The following ACTR1A variants were observed in gnomAD, a reference collection of about 807,000 sequenced individuals.
ACTR1A encodes alpha-centractin.
In ACTR1A, 10 loss-of-function variants were observed where a neutral mutation model predicts 50.7. The observed-to-expected ratio is 0.20, with a 90% confidence interval of 0.12 to 0.33. ACTR1A has a LOEUF of 0.33. Ranked by LOEUF, ACTR1A falls within the 10% of genes least tolerant of loss-of-function variation. The pLI is 1.00. For synonymous variants in ACTR1A, 177 were observed against 184.2 expected (o/e 0.96, Z 0.32); for missense variants, 253 against 491.7 (o/e 0.51, Z 4.59).
chr10:102,484,091 G>T, intron 6 of ACTR1A, 69 bp downstream of exon 6: 1 of 1,490,052 alleles, frequency 6.7e-7, no homozygotes, highest in African/African-American at 1.4e-5. Context: ...TCACTGGCAG[G>T]TCACCAAGGT....
intron 1 of ACTR1A, among the ~76,000 whole-genome samples, chr10:102,501,156 C>T (rs1047909736): frequency 2.0e-5 from 3 of 151,134 alleles, no homozygotes; most frequent in African/African-American, 4.9e-5. Flanking sequence ...AAACAAAATA[C>T]CCATGGAGAG....
At position 102,479,293 on chromosome 10, in the gene ACTR1A, C is replaced by T. The variant is rs917479452; in HGVS notation, c.*1570G>A. ...GCCCCACCAGGCAATGTGGTTTGTG[C>T]GAGGCTGTGCGAGGGACAGGCTTGG... On this transcript the variant is annotated 3_prime_UTR_variant, in exon 11 of 11. Coordinates refer to ENST00000369905, the MANE Select transcript of ACTR1A (RefSeq NM_005736.4). The surrounding 1 kb of genome is among the most constrained non-coding windows in gnomAD (Gnocchi z 4.0). The T allele has an allele frequency of 4.3e-5, 19 of 441,570 alleles. No individual in the cohort carries two copies. Among genetic ancestry groups the T allele is most frequent in the African/African-American group, 1.4e-4 (7 of 49,040 alleles). 27.4% of individuals were successfully genotyped at this position (441,570 alleles called of 1,614,324 possible). A position where few individuals can be genotyped will look rare whatever the true frequency, so the allele number is the denominator to read the frequency against.
intron 9 of ACTR1A, 61 bp downstream of exon 9, chr10:102,481,776 A>G: frequency 6.3e-7 from 1 of 1,585,034 alleles, no homozygotes; most frequent in Admixed American, 1.7e-5. Context: ...AAGCTACGCC[A>G]GGTGGCACTC....
chr10:102,502,618 C>T lies in ACTR1A; in HGVS notation c.30G>A (p.Gln10=). The T allele has an allele frequency of 6.2e-7, 1 of 1,614,250 alleles. No individual in the cohort carries two copies. The highest frequency in any genetic ancestry group is 8.5e-7 in the Non-Finnish European group (1 of 1,180,046). Reference sequence around the variant, plus strand: ...AACTCACGTTGTCGATCACGACAGGCTGGTTGGCGATCACATCGTAGGACT... The same window carrying T: ...AACTCACGTTGTCGATCACGACAGGTTGGTTGGCGATCACATCGTAGGACT... MESYDVIAN[Q]PVVIDNGSGV... Residue 10 remains glutamine (Q), a synonymous_variant, in exon 1 of 11, where the codon CAG becomes CAA. Transcript: ENST00000369905.
intron 1 of ACTR1A, among the ~76,000 whole-genome samples, chr10:102,502,383 C>T (rs1426297771): frequency 6.6e-6 from 1 of 152,242 alleles, no homozygotes; most frequent in African/African-American, 2.4e-5. Context: ...ATAACTCTTT[C>T]CTTTATCCAC....
chr10:102,498,317 T>A, intron 1 of ACTR1A, among the ~76,000 whole-genome samples: 1 of 145,270 alleles, frequency 6.9e-6, no homozygotes. Flanking sequence ...AAAGTATCTC[T>A]CTCTCTCTTT....
At position 102,482,438 on chromosome 10, in the gene ACTR1A, C is replaced by T; in HGVS notation, c.751-263G>A. On this transcript the variant is annotated intron_variant, in intron 7 of 10. Transcript: ENST00000369905. The surrounding 1 kb of genome is among the most constrained non-coding windows in gnomAD (Gnocchi z 5.6). ...TGGCATCAGTACATGGATTTATTTG[C>T]TCATGGAAACGTCTTCCTAGCAATG... 1 of 508,866 alleles carries T rather than the reference C, an allele frequency of 2.0e-6. No individual in the cohort carries two copies. 31.5% of individuals were successfully genotyped at this position (508,866 alleles called of 1,614,324 possible). A position where few individuals can be genotyped will look rare whatever the true frequency, so the allele number is the denominator to read the frequency against.
At chr10:102,501,493 G>A (rs1230667651) in intron 1 of ACTR1A, among the ~76,000 whole-genome samples, 1 of 152,214 alleles carries the variant, frequency 6.6e-6, no homozygotes. Flanking sequence ...CAATCTCTGT[G>A]GGACCAAAGC....
chr10:102,500,964 G>A (rs1293870573), intron 1 of ACTR1A, among the ~76,000 whole-genome samples: 4 of 151,432 alleles, frequency 2.6e-5, no homozygotes, highest in Non-Finnish European at 5.9e-5. Flanking sequence ...CCAGCTACTC[G>A]GGAGGCTTAA....
intron 1 of ACTR1A, among the ~76,000 whole-genome samples, 164 bp downstream of exon 1, chr10:102,502,436 C>T (rs188832402): frequency 2.0e-5 from 3 of 152,360 alleles, no homozygotes; most frequent in African/African-American, 7.2e-5. Flanking sequence ...GCCGCCTTGC[C>T]TGCGGACTAT....
Position 102,488,593 on chromosome 10 carries a change from C to T in ACTR1A, c.190-318G>A, listed in dbSNP as rs982828016. Among the ~76,000 whole-genome samples the T allele has an allele frequency of 6.6e-6, 1 of 152,206 alleles. No individual in the cohort carries two copies. The highest frequency in any genetic ancestry group is 2.4e-5 in the African/African-American group (1 of 41,448). On this transcript the variant is annotated intron_variant, in intron 3 of 10. Transcript: ENST00000369905. The surrounding 1 kb of genome is among the most constrained non-coding windows in gnomAD (Gnocchi z 4.4). Reference sequence around the variant, plus strand: ...GGTTCCAGGACACAATCTCCTGGCTCCCACCTCTGGGCCTCAGCACTTGAA... The same window carrying T: ...GGTTCCAGGACACAATCTCCTGGCTTCCACCTCTGGGCCTCAGCACTTGAA...
chr10:102,495,284 A>G (rs1589964538), intron 1 of ACTR1A, among the ~76,000 whole-genome samples: 1 of 151,978 alleles, frequency 6.6e-6, no homozygotes, highest in East Asian at 1.9e-4. Context: ...AAAATTCAAA[A>G]TAAGGCCAGG....
intron 1 of ACTR1A, among the ~76,000 whole-genome samples, chr10:102,492,361 G>A (rs1429296950): frequency 7.9e-5 from 12 of 151,878 alleles, no homozygotes; most frequent in African/African-American, 1.9e-4. Context: ...GAACCACCGC[G>A]CCTGGCCTCT....
chr10:102,501,583 C>T (rs1409581295), intron 1 of ACTR1A, among the ~76,000 whole-genome samples: 1 of 152,140 alleles, frequency 6.6e-6, no homozygotes, highest in African/African-American at 2.4e-5. Context: ...TAGATTCTTT[C>T]TATTGGTCAA....
chr10:102,480,855 T>C lies in ACTR1A; in HGVS notation c.*8A>G. ...ACTTCAGAGAGAGGTGAAGATGATG[T>C]CCCGACATTAGAAGGTTTTTCTGTG... On this transcript the variant is annotated 3_prime_UTR_variant, in exon 11 of 11. Transcript: ENST00000369905. 6.2e-7 allele frequency: 1 copy of C among 1,604,676 alleles called. No homozygotes were observed. Among genetic ancestry groups the C allele is most frequent in the Non-Finnish European group, 8.5e-7 (1 of 1,171,638 alleles).
chr10:102,482,903 G>C lies in ACTR1A; in HGVS notation c.750+108C>G. ...ATGGGCCAGGGGTTGGACAAGCTTG[G>C]TGTAAAGGGACTGGCCTGCCAGACT... On this transcript the variant is annotated intron_variant, in intron 7 of 10. Transcript: ENST00000369905. The surrounding 1 kb of genome is among the most constrained non-coding windows in gnomAD (Gnocchi z 5.6). 1 of 903,944 alleles carries C rather than the reference G, an allele frequency of 1.1e-6. No individual in the cohort carries two copies. Among genetic ancestry groups the C allele is most frequent in the Admixed American group, 1.8e-5 (1 of 55,932 alleles). 56.0% of individuals were successfully genotyped at this position (903,944 alleles called of 1,614,324 possible).
intron 10 of ACTR1A, 79 bp from the exon 11 acceptor site, chr10:102,481,044 C>T: frequency 6.3e-7 from 1 of 1,585,394 alleles, no homozygotes; most frequent in Admixed American, 1.7e-5. Context: ...TGGGGCCAAA[C>T]CAAATCAGGC....
At chr10:102,499,384 T>C (rs1029400822) in intron 1 of ACTR1A, among the ~76,000 whole-genome samples, 6 of 152,152 alleles carry the variant, frequency 3.9e-5, no homozygotes, top group African/African-American at 1.2e-4. Flanking sequence ...CAAATACTAA[T>C]AGGAAAATGA....
At position 102,488,068 on chromosome 10, in the gene ACTR1A, C is replaced by T. The variant is rs1482817168; in HGVS notation, c.315+82G>A. 32 of 1,511,160 alleles carry T rather than the reference C, an allele frequency of 2.1e-5. No homozygotes were observed. The highest frequency in any genetic ancestry group is 1.4e-4 in the East Asian group (6 of 43,512). The allele number at this position is 1,511,160 out of a possible 1,614,324, so 93.6% of individuals were successfully genotyped here. ...CTCCAGCACTCTTGGCAGTGATCAT[C>T]GTCCTCCTCATCATCTCTAGGGTAG... On this transcript the variant is annotated intron_variant, in intron 4 of 10. Transcript: ENST00000369905. This position sits in a 1 kb window ranked among gnomAD's most constrained non-coding sequence, Gnocchi z 4.4.
Sources: allele counts gnomAD v4.1 joint callset (sites outside exome capture counted in the v4.1 genomes callset), GRCh38; gene constraint gnomAD v4.1.1; non-coding constraint Gnocchi (gnomAD v3.1); transcripts MANE v1.5; gene names NCBI Gene and HGNC (gene_info 2026-07-23, HGNC 2026-07-21).